PLEKHG7: variants seen among roughly 807,000 people sequenced by gnomAD.
The protein encoded by PLEKHG7 is pleckstrin homology domain-containing family G member 7.
A neutral mutation model predicts 85.2 loss-of-function variants in PLEKHG7; 77 were observed. The ratio of observed to expected loss-of-function variants is 0.90; its 90% CI spans 0.75 to 1.09. PLEKHG7 has a LOEUF of 1.09. Ranked by LOEUF, PLEKHG7 falls within the 50% of genes least tolerant of loss-of-function variation. The pLI, the probability that PLEKHG7 is intolerant of heterozygous loss-of-function variation, is 0.00. For missense variants in PLEKHG7, 777 were observed against 804.3 expected, an observed-to-expected ratio of 0.97 and a Z score of 0.41; for synonymous variants, 301 against 302.4, an observed-to-expected ratio of 1.00 and a Z score of 0.05.
chr12:92,747,338 TTAAAATGACTACTAAGATATCATCTTAC>T (rs2136612499), intron 10 of PLEKHG7, among the ~76,000 whole-genome samples: 1 of 53,154 alleles, frequency 1.9e-5, no homozygotes, highest in South Asian at 1.2e-3. Flanking sequence ...CTTACCCCAG[TTAAAATGACTACTAAGATATCATCTTAC>T]CCCAGTTAAA....
Position 92,717,255 on chromosome 12 carries a change from T to C in PLEKHG7, c.530+9583T>C, listed in dbSNP as rs557652186. Among the ~76,000 whole-genome samples the C allele has an allele frequency of 3.2e-4, 49 of 152,258 alleles. 2 individuals carry two copies. The South Asian group carries it at 9.3e-3, about 29-fold the overall frequency. ...ATTAGCCACTGGGGCAACACTAACATGAAAGCCAACTGATGAGATATTTGA... is the reference window on the plus strand; with the variant it reads ...ATTAGCCACTGGGGCAACACTAACACGAAAGCCAACTGATGAGATATTTGA... On this transcript the variant is annotated intron_variant, in intron 3 of 16. Coordinates refer to ENST00000344636, the MANE Select transcript of PLEKHG7 (RefSeq NM_001377329.1).
At chr12:92,745,728 G>A in intron 10 of PLEKHG7, 137 bp downstream of exon 10, 1 of 612,356 alleles carries the variant, frequency 1.6e-6, no homozygotes, top group East Asian at 2.9e-5. Flanking sequence ...CTACAAATCT[G>A]CTTTCCTCAT....
Position 92,745,460 on chromosome 12 carries a change from G to T in PLEKHG7, c.1138-18G>T, listed in dbSNP as rs1419047888. 6.5e-7 allele frequency: 1 copy of T among 1,535,896 alleles called. No homozygotes were observed. The highest frequency in any genetic ancestry group is 1.7e-5 in the Admixed American group (1 of 59,808). ...CTTAACTTGTGTTCATCCTCCTTCT[G>T]CTCTTCCTTTCTTGCAGTATTTCCG... On this transcript the variant is annotated intron_variant, in intron 9 of 16. Coordinates refer to ENST00000344636, the MANE Select transcript of PLEKHG7 (RefSeq NM_001377329.1).
intron 10 of PLEKHG7, among the ~76,000 whole-genome samples, chr12:92,751,806 C>T (rs1872697940): frequency 6.6e-6 from 1 of 152,066 alleles, no homozygotes; most frequent in African/African-American, 2.4e-5. Context: ...TGCTGGAACC[C>T]AGGCGTTTGA....
chr12:92,754,357 C>T, intron 11 of PLEKHG7, 93 bp downstream of exon 11: 1 of 1,251,982 alleles, frequency 8.0e-7, no homozygotes, highest in South Asian at 1.4e-5. Flanking sequence ...GGTAATTCCA[C>T]TGATTTGAGG....
In PLEKHG7 at chr12:92,738,217, T is replaced by G. The variant is rs151271658; in HGVS notation, c.939+696T>G. On this transcript the variant is annotated intron_variant, in intron 7 of 16. Transcript: ENST00000344636. ...AATAGCACCCCTATGGTCGCAGCCATGCTCTGGTGAGGCTCAGAACACAGA... is the reference window on the plus strand; with the variant it reads ...AATAGCACCCCTATGGTCGCAGCCAGGCTCTGGTGAGGCTCAGAACACAGA... Among the ~76,000 whole-genome samples, 196 of 152,332 alleles carry G rather than the reference T, an allele frequency of 1.3e-3. 1 individual carries two copies. The highest frequency in any genetic ancestry group is 4.5e-3 in the African/African-American group (189 of 41,564).
At chr12:92,761,365 G>A (rs543166510) in intron 13 of PLEKHG7, among the ~76,000 whole-genome samples, 13 of 152,068 alleles carry the variant, frequency 8.5e-5, no homozygotes, top group South Asian at 2.1e-4. Flanking sequence ...CAAATGAGAC[G>A]CATCATAAAT....
intron 10 of PLEKHG7, among the ~76,000 whole-genome samples, chr12:92,749,151 G>A (rs1032721381): frequency 6.6e-6 from 1 of 152,096 alleles, no homozygotes; most frequent in Non-Finnish European, 1.5e-5. Flanking sequence ...GCCTGAAATC[G>A]ACCTATAAAT....
At chr12:92,707,393 G>A in intron 2 of PLEKHG7, 3 of 1,428,864 alleles carry the variant, frequency 2.1e-6, no homozygotes, top group Non-Finnish European at 2.7e-6. Flanking sequence ...GATGCACCAA[G>A]GCCAGGCTTA....
chr12:92,742,591 G>GC (rs1555195523), intron 9 of PLEKHG7, among the ~76,000 whole-genome samples: 1 of 143,134 alleles, frequency 7.0e-6, no homozygotes, highest in African/African-American at 2.6e-5. Flanking sequence ...TTGTTGTTTA[G>GC]TTTTTTTTTT....
chr12:92,729,933 C>T (rs1381472587), intron 4 of PLEKHG7, among the ~76,000 whole-genome samples: 1 of 152,156 alleles, frequency 6.6e-6, no homozygotes, highest in Non-Finnish European at 1.5e-5. Context: ...AGGGTCATCC[C>T]TCATTCACAT....
intron 1 of PLEKHG7, among the ~76,000 whole-genome samples, chr12:92,706,266 G>A (rs952896232): frequency 2.6e-5 from 4 of 152,294 alleles, no homozygotes. Context: ...TAAGTAGACA[G>A]TAAACAGACT....
Position 92,732,399 on chromosome 12 carries a change from A to G in PLEKHG7, c.699+126A>G, listed in dbSNP as rs188276706. The G allele has an allele frequency of 1.5e-5, 8 of 522,510 alleles. No homozygotes were observed. The East Asian group carries it at 2.8e-4, about 18-fold the overall frequency. 32.4% of individuals were successfully genotyped at this position (522,510 alleles called of 1,614,324 possible). On this transcript the variant is annotated intron_variant, in intron 5 of 16. Coordinates refer to ENST00000344636, the MANE Select transcript of PLEKHG7 (RefSeq NM_001377329.1). Reference sequence around the variant, plus strand: ...TAAAGGCAGATGGCACGTGAAATATAAATGATATCATCACATCCGTAGTAT... The same window carrying G: ...TAAAGGCAGATGGCACGTGAAATATGAATGATATCATCACATCCGTAGTAT...
At position 92,755,907 on chromosome 12, in the gene PLEKHG7, T is replaced by G. The variant is rs1176152839; in HGVS notation, c.1509T>G (p.Leu503=). The change falls in exon 12 of 17, where the codon CTT becomes CTG. Residue 503 remains leucine, a synonymous_variant. Transcript: ENST00000344636. ...AGGAGATTATAGTGTGGCCACCGCTTTGGGATAGAGATAAAAGGTTTTTCA... is the reference window on the plus strand; with the variant it reads ...AGGAGATTATAGTGTGGCCACCGCTGTGGGATAGAGATAAAAGGTTTTTCA... ...YLQEIIVWPP[L]WDRDKRFFIP... The G allele has an allele frequency of 6.2e-7, 1 of 1,613,160 alleles. No individual in the cohort carries two copies. Among genetic ancestry groups the G allele is most frequent in the African/African-American group, 1.3e-5 (1 of 74,834 alleles).
chr12:92,728,650 G>A (rs1156973736), intron 3 of PLEKHG7, among the ~76,000 whole-genome samples: 2 of 151,740 alleles, frequency 1.3e-5, no homozygotes, highest in Non-Finnish European at 1.5e-5. Context: ...ATCAACCATT[G>A]ATAGACACTT....
chr12:92,760,752 AGCTATTT>A (rs60456109), intron 13 of PLEKHG7, among the ~76,000 whole-genome samples: 3,066 of 152,308 alleles, frequency 0.02, 109 homozygotes, highest in African/African-American at 0.069. Flanking sequence ...ACTAAAGAAA[AGCTATTT>A]GCCTTAAGTA....
At chr12:92,769,188 A>C in intron 16 of PLEKHG7, 108 bp downstream of exon 16, 1 of 805,434 alleles carries the variant, frequency 1.2e-6, no homozygotes, top group South Asian at 1.9e-5. Flanking sequence ...TCTCTCACCC[A>C]CTTGGGAAGG....
At chr12:92,767,924 G>C (rs1394408527) in intron 15 of PLEKHG7, among the ~76,000 whole-genome samples, 1 of 152,128 alleles carries the variant, frequency 6.6e-6, no homozygotes, top group Non-Finnish European at 1.5e-5. Flanking sequence ...AGAATGTATA[G>C]GGCGGGCGCG....
At chr12:92,703,876 A>C (rs1357768422) in intron 1 of PLEKHG7, among the ~76,000 whole-genome samples, 1 of 152,222 alleles carries the variant, frequency 6.6e-6, no homozygotes, top group Admixed American at 6.5e-5. Flanking sequence ...AACGACTACA[A>C]AGGAAACCCA....
Sources: gnomAD v4.1 joint callset for allele counts (sites outside exome capture counted in the v4.1 genomes callset) on GRCh38, gnomAD v4.1.1 for gene constraint, MANE v1.5 for transcripts, NCBI Gene and HGNC (gene_info 2026-07-23, HGNC 2026-07-21) for gene names.